RSBN1: variants seen among roughly 807,000 people sequenced by gnomAD.
RSBN1 encodes round spermatid basic protein 1.
RSBN1 carries 23 observed loss-of-function variants against 74.8 expected under a neutral mutation model. That is an observed-to-expected ratio of 0.31 (90% CI 0.22 to 0.44). RSBN1 has a LOEUF of 0.44. Among genes scored for constraint, RSBN1 ranks in the 20% least tolerant of loss-of-function variants. RSBN1 has a pLI of 1.00. For synonymous variants in RSBN1, 407 were observed against 379.6 expected (o/e 1.07, Z -0.84); for missense variants, 808 against 1,020.9 (o/e 0.79, Z 2.84).
chr1:113,777,090 G>A (rs1432472161), intron 4 of RSBN1, 120 bp downstream of exon 4: 30 of 834,524 alleles, frequency 3.6e-5, no homozygotes, highest in African/African-American at 1.6e-4. Flanking sequence ...AAGAGGAACC[G>A]ACAACTAAAA....
chr1:113,808,935 A>G (rs1660772792), intron 1 of RSBN1, among the ~76,000 whole-genome samples: 1 of 152,114 alleles, frequency 6.6e-6, no homozygotes, highest in African/African-American at 2.4e-5. Flanking sequence ...ACCAATGTCA[A>G]TTTCCTGGTG....
chr1:113,790,384 C>T (rs1347850571), intron 2 of RSBN1, among the ~76,000 whole-genome samples: 1 of 151,980 alleles, frequency 6.6e-6, no homozygotes, highest in African/African-American at 2.4e-5. Context: ...TTTTAAAAAC[C>T]TTAGCAGGCT....
intron 5 of RSBN1, among the ~76,000 whole-genome samples, chr1:113,767,751 C>T (rs1659808296): frequency 6.6e-6 from 1 of 152,138 alleles, no homozygotes; most frequent in Non-Finnish European, 1.5e-5. Context: ...AACTGATTAA[C>T]AACATGTGGT....
chr1:113,797,987 C>T lies in RSBN1; in HGVS notation c.753G>A (p.Leu251=). The T allele has an allele frequency of 6.2e-7, 1 of 1,611,732 alleles. No individual in the cohort carries two copies. The highest frequency in any genetic ancestry group is 1.3e-5 in the African/African-American group (1 of 74,562). Residue 251 remains leucine, a synonymous_variant, in exon 2 of 7, where the codon TTG becomes TTA. Coordinates refer to ENST00000261441, the MANE Select transcript of RSBN1 (RefSeq NM_018364.5). ...GKTQRADDFV[L]KKIKKKKKKK... is the part of the protein sequence containing the mutation. ...TTTTCTTTTTCTTCTTTATTTTCTT[C>T]AAGACAAAATCATCGGCTCTCTGGG...
intron 4 of RSBN1, among the ~76,000 whole-genome samples, chr1:113,769,431 A>G (rs528242777): frequency 6.6e-6 from 1 of 152,218 alleles, no homozygotes; most frequent in African/African-American, 2.4e-5. Flanking sequence ...CTTCAAACCA[A>G]TAATAGGGGA....
chr1:113,784,830 A>G (rs1415289454), intron 2 of RSBN1, among the ~76,000 whole-genome samples: 1 of 152,208 alleles, frequency 6.6e-6, no homozygotes, highest in Admixed American at 6.5e-5. Flanking sequence ...CCATGCTTGC[A>G]GAATAGGGAG....
chr1:113,797,538 C>T lies in RSBN1; in HGVS notation c.1202G>A (p.Ser401Asn), dbSNP rs1377042877. 1.2e-6 allele frequency: 2 copies of T among 1,613,022 alleles called. No homozygotes were observed. The highest frequency in any genetic ancestry group is 2.7e-5 in the African/African-American group (2 of 74,892). Reference sequence around the variant, plus strand: ...GTAAGCAGCATTTTTCTCATTTTCACTGAATGTCAAAGCAAGAAACTCCTC... The same window carrying T: ...GTAAGCAGCATTTTTCTCATTTTCATTGAATGTCAAAGCAAGAAACTCCTC... ...FSEEFLALTFSENEKNAAYYA... is the reference protein window; with the variant it reads ...FSEEFLALTFNENEKNAAYYA... The change falls in exon 2 of 7, where the codon AGT (serine) becomes AAT (asparagine). Residue 401 changes from serine to asparagine, a missense_variant. Ser to Asn is a conservative substitution (Grantham distance 46). Coordinates refer to ENST00000261441, the MANE Select transcript of RSBN1 (RefSeq NM_018364.5).
intron 1 of RSBN1, among the ~76,000 whole-genome samples, chr1:113,808,081 C>T (rs1462583295): frequency 5.9e-5 from 9 of 151,820 alleles, no homozygotes; most frequent in Admixed American, 5.9e-4. Flanking sequence ...AAAATGGTAC[C>T]GACACTCCAG....
chr1:113,773,475 A>G (rs1659920028), intron 4 of RSBN1, among the ~76,000 whole-genome samples: 1 of 152,164 alleles, frequency 6.6e-6, no homozygotes, highest in African/African-American at 2.4e-5. Context: ...GTGAGCCAAG[A>G]TCGCACCACT....
intron 2 of RSBN1, among the ~76,000 whole-genome samples, chr1:113,794,793 T>G (rs1660438597): frequency 6.6e-6 from 1 of 152,060 alleles, no homozygotes; most frequent in South Asian, 2.1e-4. Context: ...TTTACTCATC[T>G]CCCCCACTAG....
At chr1:113,802,974 T>A (rs1660617097) in intron 1 of RSBN1, among the ~76,000 whole-genome samples, 1 of 152,232 alleles carries the variant, frequency 6.6e-6, no homozygotes, top group Non-Finnish European at 1.5e-5. Context: ...AGTTTCACTG[T>A]CCTATAAAAT....
chr1:113,806,258 C>A (rs1000463809), intron 1 of RSBN1, among the ~76,000 whole-genome samples: 2 of 151,738 alleles, frequency 1.3e-5, no homozygotes, highest in Non-Finnish European at 2.9e-5. Context: ...TCCCATGAAC[C>A]CAGGAGGTGG....
At chr1:113,807,886 T>C (rs975964673) in intron 1 of RSBN1, among the ~76,000 whole-genome samples, 4 of 151,638 alleles carry the variant, frequency 2.6e-5, no homozygotes, top group African/African-American at 9.7e-5. Flanking sequence ...CCAGGATATA[T>C]AGACAGCAAA....
intron 2 of RSBN1, among the ~76,000 whole-genome samples, chr1:113,781,915 C>G (rs2101802509): frequency 6.6e-6 from 1 of 152,246 alleles, no homozygotes; most frequent in African/African-American, 2.4e-5. Flanking sequence ...ATTCCTATCC[C>G]CAAGAGCCAT....
At chr1:113,791,702 TAAAA>T (rs1170250816) in intron 2 of RSBN1, among the ~76,000 whole-genome samples, 1 of 152,044 alleles carries the variant, frequency 6.6e-6, no homozygotes, top group Non-Finnish European at 1.5e-5. Context: ...AGTGAGTACT[TAAAA>T]TAAGAGGAAA....
intron 2 of RSBN1, among the ~76,000 whole-genome samples, chr1:113,788,003 A>G (rs958499416): frequency 2.6e-5 from 4 of 152,194 alleles, no homozygotes; most frequent in African/African-American, 9.6e-5. Context: ...AGTATAAAAG[A>G]AAACTTAAAA....
chr1:113,772,851 TCTCTTC>T (rs1189124969), intron 4 of RSBN1, among the ~76,000 whole-genome samples: 3 of 152,138 alleles, frequency 2.0e-5, no homozygotes, highest in Admixed American at 6.5e-5. Flanking sequence ...AACATGTAAA[TCTCTTC>T]CTCTATACTG....
chr1:113,774,470 C>A (rs1571296593), intron 4 of RSBN1, among the ~76,000 whole-genome samples: 1 of 151,494 alleles, frequency 6.6e-6, no homozygotes, highest in Non-Finnish European at 1.5e-5. Flanking sequence ...GTCAGGAGAT[C>A]GAGACCATCC....
chr1:113,807,279 A>T (rs1317757662), intron 1 of RSBN1, among the ~76,000 whole-genome samples: 12 of 147,792 alleles, frequency 8.1e-5, no homozygotes. Context: ...GTGCTACTAC[A>T]CTCCAGCCTG....
Sources: allele counts gnomAD v4.1 joint callset (sites outside exome capture counted in the v4.1 genomes callset), GRCh38; gene constraint gnomAD v4.1.1; transcripts MANE v1.5; gene names NCBI Gene and HGNC (gene_info 2026-07-23, HGNC 2026-07-21).